The following SORBS3 variants were observed in gnomAD, a reference collection of about 807,000 sequenced individuals.
The protein encoded by SORBS3 is sorbin and SH3 domain containing 3.
Under a neutral mutation model 98.0 loss-of-function variants are expected in SORBS3, and 69 were observed. The observed-to-expected ratio is 0.70, with a 90% CI of 0.58 to 0.86. SORBS3 has a LOEUF of 0.86. Among genes scored for constraint, SORBS3 ranks in the 40% least tolerant of loss-of-function variants. The pLI is 0.00. For missense variants in SORBS3, 954 were observed against 908.5 expected (o/e 1.05, Z -0.64); for synonymous variants, 394 against 355.4 (o/e 1.11, Z -1.22).
At position 22,575,605 on chromosome 8, in the gene SORBS3, G is replaced by T. The variant is rs1208620534; in HGVS notation, c.*877G>T. On this transcript the variant is annotated 3_prime_UTR_variant, in exon 21 of 21. Transcript: ENST00000240123. ...TGGGAGACAGGTGGGACAGGTGTGT[G>T]TGTAAGAGGAGGAGGATGGAAAAAC... 6.6e-6 allele frequency: 1 copy of T among 152,518 alleles called. No individual in the cohort carries two copies. Among genetic ancestry groups the T allele is most frequent in the African/African-American group, 2.4e-5 (1 of 41,442 alleles). 9.4% of individuals were successfully genotyped at this position (152,518 alleles called of 1,614,324 possible). A position where few individuals can be genotyped will look rare whatever the true frequency, so the allele number is the denominator to read the frequency against.
At chr8:22,549,177 G>C (rs1248806651), upstream of SORBS3, among the ~76,000 whole-genome samples, 3 of 152,254 alleles carry the variant, frequency 2.0e-5, no homozygotes, top group African/African-American at 7.2e-5. Context: ...CCTGACAAAG[G>C]GCAGTGCCAG....
At chr8:22,573,502 A>G in intron 20 of SORBS3, 1 of 444,116 alleles carries the variant, frequency 2.3e-6, no homozygotes, top group South Asian at 1.6e-5. Flanking sequence ...CCTCAGTTGC[A>G]CAGGCACATC....
Position 22,565,108 on chromosome 8 carries a change from C to T in SORBS3, c.817-160C>T, listed in dbSNP as rs1840377315. ...CGTGGCGGGGATGCCCTCTTGGCACCCTGGGCCACACCTCCTGGCAGGAGC... is the reference window on the plus strand; with the variant it reads ...CGTGGCGGGGATGCCCTCTTGGCACTCTGGGCCACACCTCCTGGCAGGAGC... On this transcript the variant is annotated intron_variant, in intron 10 of 20. Transcript: ENST00000240123. 7.5e-6 allele frequency: 11 copies of T among 1,459,512 alleles called. No individual in the cohort carries two copies. The South Asian group carries it at 1.4e-4, about 18-fold the overall frequency. The allele number at this position is 1,459,512 out of a possible 1,614,324, so 90.4% of individuals were successfully genotyped here. A position where few individuals can be genotyped will look rare whatever the true frequency, so the allele number is the denominator to read the frequency against.
At chr8:22,553,452 G>C (rs370822177) in intron 1 of SORBS3, among the ~76,000 whole-genome samples, 6 of 152,156 alleles carry the variant, frequency 3.9e-5, no homozygotes, top group Admixed American at 2.0e-4. Flanking sequence ...CCGTGCTCTG[G>C]GTCAAAAAGC....
intron 17 of SORBS3, among the ~76,000 whole-genome samples, 195 bp downstream of exon 17, chr8:22,569,468 T>G (rs1244009250): frequency 6.6e-6 from 1 of 151,992 alleles, no homozygotes; most frequent in African/African-American, 2.4e-5. Context: ...GCTTCCCGAG[T>G]AGCTGGGACT....
At position 22,552,561 on chromosome 8, in the gene SORBS3, G is replaced by A. The variant is rs1324683638; in HGVS notation, c.-56+539G>A. On this transcript the variant is annotated intron_variant, in intron 1 of 20. Transcript: ENST00000240123. ...GGGCAGGGTTGAGAAGGGGCAGATG[G>A]GGGCACCAAGGGTAAGCAACCTCTG... is the stretch of plus-strand genomic sequence containing the variant. Among the ~76,000 whole-genome samples the A allele has an allele frequency of 2.0e-5, 3 of 152,178 alleles. No individual in the cohort carries two copies. In the East Asian group the frequency reaches 5.8e-4, roughly 29 times the overall value.
intron 4 of SORBS3, 98 bp from the exon 5 acceptor site, chr8:22,558,031 A>C: frequency 1.8e-6 from 2 of 1,111,608 alleles, no homozygotes; most frequent in Non-Finnish European, 1.4e-6. Flanking sequence ...GGGTTCAGGG[A>C]TGGCCAGAGA....
rs772243410 is a variant in SORBS3, at chr8:22,567,140, G to A, written c.1270G>A (p.Gly424Ser). 2.1e-5 allele frequency: 34 copies of A among 1,613,046 alleles called. No homozygotes were observed. The highest frequency in any genetic ancestry group is 1.7e-4 in the Admixed American group (10 of 59,990). ...GAACTGGCTGGAGGGAGAGCACCAC[G>A]GCCGCCTGGGCATCTTCCCTGCTAA... ...DKNWLEGEHH[G>S]RLGIFPANYV... Residue 424 changes from glycine to serine, a missense_variant, in exon 16 of 21, where the codon GGC (glycine) becomes AGC (serine). By Grantham distance (56) the Gly-to-Ser change is moderately conservative. Transcript: ENST00000240123.
intron 1 of SORBS3, among the ~76,000 whole-genome samples, chr8:22,545,888 CCTAA>C (rs2117178026): frequency 6.6e-6 from 1 of 152,258 alleles, no homozygotes; most frequent in Non-Finnish European, 1.5e-5. Flanking sequence ...ACTGTAAATC[CCTAA>C]CTTTTATTTT....
rs769561886 is a variant in SORBS3, at chr8:22,574,911, C to T, written c.*183C>T. Reference sequence around the variant, plus strand: ...AGCCCCCTGGACTGATTCCCACCCACGACTCACAGGCATTCCTCCCACAGC... The same window carrying T: ...AGCCCCCTGGACTGATTCCCACCCATGACTCACAGGCATTCCTCCCACAGC... On this transcript the variant is annotated 3_prime_UTR_variant, in exon 21 of 21. Transcript: ENST00000240123. 6 of 697,206 alleles carry T rather than the reference C, an allele frequency of 8.6e-6. No homozygotes were observed. The highest frequency in any genetic ancestry group is 1.8e-5 in the African/African-American group (1 of 56,924). The allele number at this position is 697,206 out of a possible 1,614,324, so 43.2% of individuals were successfully genotyped here.
chr8:22,564,849 G>A, intron 10 of SORBS3: 1 of 1,276,658 alleles, frequency 7.8e-7, no homozygotes, highest in South Asian at 1.8e-5. Flanking sequence ...ACCCATAGCA[G>A]AGGCTGGCAG....
intron 1 of SORBS3, among the ~76,000 whole-genome samples, chr8:22,552,415 A>C (rs1228101986): frequency 6.6e-6 from 1 of 152,074 alleles, no homozygotes; most frequent in Admixed American, 6.5e-5. Flanking sequence ...TACATGGGGG[A>C]CCAGTCCCCA....
chr8:22,573,704 A>G (rs898878911), intron 20 of SORBS3, among the ~76,000 whole-genome samples: 1 of 152,236 alleles, frequency 6.6e-6, no homozygotes, highest in East Asian at 1.9e-4. Flanking sequence ...GCTGCCCCCA[A>G]GGAAGTCAGG....
chr8:22,565,279 GA>G lies in SORBS3; in HGVS notation c.829del (p.Arg277GlufsTer6). 1 of 1,554,086 alleles carries G rather than the reference GA, an allele frequency of 6.4e-7. No homozygotes were observed. The highest frequency in any genetic ancestry group is 8.7e-7 in the Non-Finnish European group (1 of 1,148,962). ...CTCCCCGCCCCCAGGTGCTGCTGGAGAGAGAGCTGGCCGAGCTGAGCGCCGA... is the reference window on the plus strand; with the variant it reads ...CTCCCCGCCCCCAGGTGCTGCTGGAGGAGAGCTGGCCGAGCTGAGCGCCGA... ...PSQPIEVLLE[R>X]ELAELSAELD... On this transcript the variant is annotated frameshift_variant, in exon 11 of 21. Coordinates refer to ENST00000240123, the MANE Select transcript of SORBS3 (RefSeq NM_005775.5). LOFTEE classifies it high-confidence loss of function.
intron 10 of SORBS3, 144 bp downstream of exon 10, chr8:22,564,665 TCAG>T: frequency 7.3e-7 from 1 of 1,373,158 alleles, no homozygotes; most frequent in Non-Finnish European, 9.8e-7. Context: ...ATGCCAGCAC[TCAG>T]GACAGTGGCT....
chr8:22,546,568 C>T (rs1215778374), intron 1 of SORBS3, among the ~76,000 whole-genome samples: 1 of 152,218 alleles, frequency 6.6e-6, no homozygotes, highest in East Asian at 1.9e-4. Flanking sequence ...AAGTCCCAGC[C>T]CCCTCTGCAG....
upstream of SORBS3, among the ~76,000 whole-genome samples, chr8:22,551,176 G>T (rs1373708410): frequency 2.0e-5 from 3 of 152,214 alleles, no homozygotes; most frequent in African/African-American, 7.2e-5. The surrounding 1 kb of genome is among the most constrained non-coding windows in gnomAD (Gnocchi z 5.8). Context: ...ACGCCCGGGG[G>T]GGCCGCTCCC....
At chr8:22,565,409 C>A in intron 11 of SORBS3, 55 bp downstream of exon 11, 3 of 1,415,544 alleles carry the variant, frequency 2.1e-6, no homozygotes, top group Non-Finnish European at 1.9e-6. Context: ...AGGGTCGGGG[C>A]GAGCCGGGAG....
rs1407324299 is a variant in SORBS3 at position 22,566,377 on chromosome 8, A to G, written c.983A>G (p.His328Arg). 4 of 1,613,864 alleles carry G rather than the reference A, an allele frequency of 2.5e-6. No individual in the cohort carries two copies. Among genetic ancestry groups the G allele is most frequent in the Non-Finnish European group, 2.5e-6 (3 of 1,179,972 alleles). ...TCAGCCTGGAGCTCCAGCTACCCAC[A>G]TGCACCTTACCTGGGTTCCGCCCGG... ...PASAWSSSYP[H>R]APYLGSARSL... is the part of the protein sequence containing the mutation. The change falls in exon 13 of 21, where the codon CAT (histidine) becomes CGT (arginine). Residue 328 changes from histidine (H) to arginine (R), a missense_variant. By Grantham distance (29) the His-to-Arg change is conservative. Transcript: ENST00000240123.
Sources: gnomAD v4.1 joint callset for allele counts (sites outside exome capture counted in the v4.1 genomes callset) on GRCh38, gnomAD v4.1.1 for gene constraint, Gnocchi (gnomAD v3.1) non-coding constraint, MANE v1.5 for transcripts, NCBI Gene and HGNC (gene_info 2026-07-23, HGNC 2026-07-21) for gene names.